Variants in ALMS1 observed in about 807,000 individuals in gnomAD.
The protein encoded by ALMS1 is centrosome-associated protein ALMS1.
A neutral mutation model predicts 352.2 loss-of-function variants in ALMS1; 271 were observed. The observed-to-expected ratio is 0.77, with a 90% confidence interval of 0.70 to 0.85. The LOEUF (loss-of-function observed/expected upper bound fraction) is 0.85, where lower values mean the gene tolerates loss of function less well. ALMS1 is among the 40% of genes least tolerant of loss of function. The pLI is 0.00. For synonymous variants in ALMS1, 1,865 were observed against 1,761.2 expected, an observed-to-expected ratio of 1.06 and a Z score of -1.48; for missense variants, 5,445 against 4,870.7, an observed-to-expected ratio of 1.12 and a Z score of -3.51.
chr2:73,605,948 G>T, intron 21 of ALMS1, among the ~76,000 whole-genome samples: 1 of 152,130 alleles, frequency 6.6e-6, no homozygotes, highest in East Asian at 1.9e-4. Context: ...AACTTCTCTC[G>T]TTTCCAAGTA....
intron 9 of ALMS1, among the ~76,000 whole-genome samples, chr2:73,461,318 C>G (rs916343968): frequency 6.6e-6 from 1 of 152,172 alleles, no homozygotes; most frequent in East Asian, 1.9e-4. Flanking sequence ...GTTGTGCAGC[C>G]ACCGCTGCTG....
At chr2:73,597,293 G>A (rs576908472) in intron 16 of ALMS1, among the ~76,000 whole-genome samples, 7 of 151,936 alleles carry the variant, frequency 4.6e-5, no homozygotes, top group African/African-American at 1.7e-4. Flanking sequence ...CTGCAACCTG[G>A]GTAACCTTGG....
intron 1 of ALMS1, among the ~76,000 whole-genome samples, chr2:73,386,436 C>A (rs1670536342): frequency 6.6e-6 from 1 of 152,144 alleles, no homozygotes; most frequent in African/African-American, 2.4e-5. Flanking sequence ...CTCCCGTAGA[C>A]GTTCAGGGGA....
chr2:73,558,896 T>C, intron 14 of ALMS1, 76 bp from the exon 15 acceptor site: 1 of 1,462,050 alleles, frequency 6.8e-7, no homozygotes, highest in Non-Finnish European at 9.4e-7. Flanking sequence ...TTTCACATAA[T>C]ACGTACTTGA....
intron 9 of ALMS1, among the ~76,000 whole-genome samples, chr2:73,484,425 G>T (rs1163445820): frequency 6.6e-6 from 1 of 151,434 alleles, no homozygotes; most frequent in Non-Finnish European, 1.5e-5. Flanking sequence ...GGCTTATAGG[G>T]TTTCTGCCGA....
At chr2:73,526,816 G>A (rs181335088) in intron 11 of ALMS1, among the ~76,000 whole-genome samples, 53 of 152,134 alleles carry the variant, frequency 3.5e-4, no homozygotes, top group African/African-American at 1.2e-3. Flanking sequence ...GTTGAATAAC[G>A]GTTTTGAAAG....
chr2:73,392,599 T>TA (rs1670673504), intron 1 of ALMS1, among the ~76,000 whole-genome samples: 1 of 152,214 alleles, frequency 6.6e-6, no homozygotes, highest in Non-Finnish European at 1.5e-5. Context: ...AATGGAATGA[T>TA]ATGTGTTTTT....
intron 9 of ALMS1, among the ~76,000 whole-genome samples, chr2:73,460,905 T>C (rs1422159931): frequency 2.6e-5 from 4 of 152,124 alleles, no homozygotes; most frequent in South Asian, 4.1e-4. Context: ...GCGCCTGCCA[T>C]TGTGCAGGCT....
chr2:73,490,076 A>G lies in ALMS1; in HGVS notation c.8117A>G (p.Glu2706Gly), dbSNP rs768090632. ...TCTTCATCACAAATGCCGTCCCCAG[A>G]ACCCATGAAAAAGTTTACTACCTCC... The part of the protein sequence containing the change: ...FHSSSQMPSP[E>G]PMKKFTTSIT... The change falls in exon 10 of 23, where the codon GAA becomes GGA. Residue 2706 changes from glutamate to glycine, a missense_variant. Glu to Gly is a moderately conservative substitution (Grantham distance 98). Coordinates refer to ENST00000613296, the MANE Select transcript of ALMS1 (RefSeq NM_001378454.1). The G allele has an allele frequency of 4.3e-6, 7 of 1,614,068 alleles. No homozygotes were observed. The East Asian group carries it at 1.3e-4, about 31-fold the overall frequency.
At chr2:73,577,315 G>C (rs1675073404) in intron 16 of ALMS1, among the ~76,000 whole-genome samples, 1 of 152,018 alleles carries the variant, frequency 6.6e-6, no homozygotes, top group Non-Finnish European at 1.5e-5. Context: ...TTTCATTACT[G>C]ATTCAATGTC....
chr2:73,448,043 AT>A lies in ALMS1; in HGVS notation c.1518del (p.Ile506MetfsTer17). On this transcript the variant is annotated frameshift_variant, in exon 8 of 23. Coordinates refer to ENST00000613296, the MANE Select transcript of ALMS1 (RefSeq NM_001378454.1). LOFTEE classifies it high-confidence loss of function. ...CACTACCACTCCTGTTGATTCAGAC[AT>A]TGGATCTCATTTATCCTTGTCCCTT... ...GITTTPVDSD[I>X]GSHLSLSLED... is the part of the protein sequence containing the mutation. 6.2e-7 allele frequency: 1 copy of A among 1,613,956 alleles called. No homozygotes were observed. Among genetic ancestry groups the A allele is most frequent in the Non-Finnish European group, 8.5e-7 (1 of 1,179,894 alleles).
intron 6 of ALMS1, among the ~76,000 whole-genome samples, chr2:73,430,407 G>A: frequency 6.6e-6 from 1 of 152,086 alleles, no homozygotes; most frequent in Non-Finnish European, 1.5e-5. Flanking sequence ...TCTATATTTT[G>A]AAACTTTAAC....
intron 15 of ALMS1, among the ~76,000 whole-genome samples, chr2:73,560,701 A>C (rs1471914021): frequency 6.6e-6 from 1 of 152,252 alleles, no homozygotes; most frequent in Non-Finnish European, 1.5e-5. Context: ...GTCAATAAAG[A>C]AAGCATGTTA....
chr2:73,509,072 G>A (rs1572983573), intron 10 of ALMS1, among the ~76,000 whole-genome samples: 1 of 151,734 alleles, frequency 6.6e-6, no homozygotes, highest in East Asian at 1.9e-4. Flanking sequence ...TTTTGTTGTT[G>A]TTGTTATTTT....
chr2:73,519,837 T>A lies in ALMS1; in HGVS notation c.9602T>A (p.Val3201Asp). The A allele has an allele frequency of 3.7e-6, 6 of 1,614,022 alleles. No individual in the cohort carries two copies. Among genetic ancestry groups the A allele is most frequent in the Non-Finnish European group, 5.1e-6 (6 of 1,179,922 alleles). ...AFSEKLSSDA[V>D]TQITTESPEK... is the part of the protein sequence containing the mutation. ...TCTGAAAAATTGTCATCTGATGCAG[T>A]CACTCAGATAACAACAGAAAGTCCA... The change falls in exon 11 of 23, where the codon GTC (valine) becomes GAC (aspartate). Residue 3201 changes from valine (V) to aspartate (D), a missense_variant. By Grantham distance (152) the Val-to-Asp change is radical. Coordinates refer to ENST00000613296, the MANE Select transcript of ALMS1 (RefSeq NM_001378454.1).
At chr2:73,491,835 G>A (rs1447980450) in intron 10 of ALMS1, among the ~76,000 whole-genome samples, 3 of 152,096 alleles carry the variant, frequency 2.0e-5, no homozygotes, top group Non-Finnish European at 4.4e-5. Flanking sequence ...TCCTTTGGAG[G>A]TTGCACACAC....
chr2:73,473,920 AAGAGAGAGAGAG>A (rs35028203), intron 9 of ALMS1, among the ~76,000 whole-genome samples: 17 of 148,564 alleles, frequency 1.1e-4, no homozygotes, highest in Non-Finnish European at 4.5e-5. Flanking sequence ...TCTTAGAGGG[AAGAGAGAGAGAG>A]AGAGAGAGAG....
chr2:73,571,227 T>C (rs76535680), intron 15 of ALMS1, among the ~76,000 whole-genome samples: 1 of 152,198 alleles, frequency 6.6e-6, no homozygotes, highest in Non-Finnish European at 1.5e-5. Context: ...CAGTAATCTA[T>C]AGTGTGGGTG....
chr2:73,606,266 A>G (rs1675814501), intron 21 of ALMS1, among the ~76,000 whole-genome samples: 1 of 152,266 alleles, frequency 6.6e-6, no homozygotes, highest in Non-Finnish European at 1.5e-5. Context: ...TTGATACAGT[A>G]TCAATAGATA....
Sources: gnomAD v4.1 joint callset for allele counts (sites outside exome capture counted in the v4.1 genomes callset) on GRCh38, gnomAD v4.1.1 for gene constraint, MANE v1.5 for transcripts, NCBI Gene and HGNC (gene_info 2026-07-23, HGNC 2026-07-21) for gene names.